TUNAR: variants seen among roughly 807,000 people sequenced by gnomAD.
TUNAR encodes the protein protein TUNAR.
At chr14:95,922,948 C>T (rs1014721435) in exon 3 of TUNAR, 8 of 399,048 alleles carry the variant, frequency 2.0e-5, no homozygotes, top group African/African-American at 1.4e-4. Context: ...TATTTGTCTA[C>T]ATATACACCA....
chr14:95,925,337 G>A (rs1889769988), exon 3 of TUNAR: 2 of 152,170 alleles, frequency 1.3e-5, no homozygotes, highest in African/African-American at 4.8e-5. Flanking sequence ...AGAGAAAGCT[G>A]CAGGCATACC....
At chr14:95,898,932 A>G (rs1595119954) in intron 2 of TUNAR, among the ~76,000 whole-genome samples, 1 of 152,326 alleles carries the variant, frequency 6.6e-6, no homozygotes, top group African/African-American at 2.4e-5. Flanking sequence ...TCTTTGGCCA[A>G]TGAGTAAACA....
At chr14:95,884,277 G>A (rs534260944) in intron 2 of TUNAR, among the ~76,000 whole-genome samples, 1 of 152,056 alleles carries the variant, frequency 6.6e-6, no homozygotes, top group South Asian at 2.1e-4. Flanking sequence ...TGCACGATCT[G>A]GCCCTCCATC....
At chr14:95,921,033 C>G (rs998785492) in intron 2 of TUNAR, among the ~76,000 whole-genome samples, 1 of 152,056 alleles carries the variant, frequency 6.6e-6, no homozygotes, top group African/African-American at 2.4e-5. Flanking sequence ...ATCAACAGTT[C>G]GAGTCCAAAG....
chr14:95,919,007 A>G (rs1254280530), intron 2 of TUNAR, among the ~76,000 whole-genome samples: 1 of 152,198 alleles, frequency 6.6e-6, no homozygotes. Flanking sequence ...AAGGGCTTGC[A>G]GTCTTTCTAA....
intron 2 of TUNAR, among the ~76,000 whole-genome samples, chr14:95,882,387 C>T (rs1888994302): frequency 6.6e-6 from 1 of 152,182 alleles, no homozygotes; most frequent in Non-Finnish European, 1.5e-5. Context: ...AACACTTATT[C>T]AGGGCATGGT....
chr14:95,921,123 C>T (rs1320768615), intron 2 of TUNAR, among the ~76,000 whole-genome samples: 3 of 152,160 alleles, frequency 2.0e-5, no homozygotes, highest in South Asian at 2.1e-4. Context: ...TTGTTTCATT[C>T]GGGCCTTCAG....
At chr14:95,908,197 T>C (rs1446204535) in intron 2 of TUNAR, among the ~76,000 whole-genome samples, 1 of 152,206 alleles carries the variant, frequency 6.6e-6, no homozygotes, top group African/African-American at 2.4e-5. Flanking sequence ...TCAGAGCAGA[T>C]GCCAACAGCA....
intron 2 of TUNAR, among the ~76,000 whole-genome samples, chr14:95,887,485 G>A (rs1422867717): frequency 1.3e-5 from 2 of 152,202 alleles, no homozygotes; most frequent in African/African-American, 4.8e-5. Flanking sequence ...CTTCAAAACA[G>A]TCAAACCTTC....
rs74085774 is a variant in TUNAR, at chr14:95,920,894, C to T, written c.13-1887C>T. Among the ~76,000 whole-genome samples the T allele has an allele frequency of 4.3e-3, 652 of 152,212 alleles. 1 individual carries two copies. Among genetic ancestry groups the T allele is most frequent in the African/African-American group, 0.015 (620 of 41,524 alleles). ...AGAGATTTATTATACAGAGTTGACT[C>T]GTGATTTTGGAGACCAGCAAGTCCT... On this transcript the variant is annotated intron_variant, in intron 2 of 2. Coordinates refer to ENST00000678517, the Ensembl canonical transcript of TUNAR.
At chr14:95,881,788 C>T (rs1888983508) in intron 2 of TUNAR, among the ~76,000 whole-genome samples, 1 of 152,208 alleles carries the variant, frequency 6.6e-6, no homozygotes, top group African/African-American at 2.4e-5. Context: ...ACCAGAGATT[C>T]CAGAGTCCTG....
intron 2 of TUNAR, among the ~76,000 whole-genome samples, chr14:95,881,758 A>C (rs1888982847): frequency 6.6e-6 from 1 of 152,212 alleles, no homozygotes; most frequent in Non-Finnish European, 1.5e-5. Flanking sequence ...AGAGCTGGCC[A>C]AGCATCCACC....
intron 2 of TUNAR, among the ~76,000 whole-genome samples, chr14:95,884,372 C>G (rs997340805): frequency 9.2e-5 from 14 of 152,136 alleles, no homozygotes; most frequent in Non-Finnish European, 4.4e-5. Context: ...GCATTCACTC[C>G]AAGGAGCCAC....
chr14:95,908,372 G>A (rs1889458203), intron 2 of TUNAR, among the ~76,000 whole-genome samples: 2 of 152,306 alleles, frequency 1.3e-5, no homozygotes, highest in South Asian at 2.1e-4. Context: ...CGCTCCAGAC[G>A]ACCTGCCACT....
intron 2 of TUNAR, among the ~76,000 whole-genome samples, chr14:95,921,272 G>C (rs182310725): frequency 8.4e-4 from 128 of 152,312 alleles, no homozygotes; most frequent in Non-Finnish European, 1.4e-3. Context: ...CAGTCAAGCT[G>C]ACACATAAAT....
At chr14:95,893,587 A>T (rs534280776) in intron 2 of TUNAR, among the ~76,000 whole-genome samples, 1 of 136,202 alleles carries the variant, frequency 7.3e-6, no homozygotes, top group East Asian at 2.4e-4. Flanking sequence ...CCCACTCCCC[A>T]TCAAGCAGCC....
At chr14:95,909,549 C>G (rs184509398) in intron 2 of TUNAR, among the ~76,000 whole-genome samples, 1 of 152,176 alleles carries the variant, frequency 6.6e-6, no homozygotes, top group Admixed American at 6.5e-5. Flanking sequence ...CCGCAAAGTG[C>G]TGGGATTACA....
chr14:95,894,787 T>G (rs935510536), intron 2 of TUNAR, among the ~76,000 whole-genome samples: 2 of 152,192 alleles, frequency 1.3e-5, no homozygotes, highest in Admixed American at 6.5e-5. Context: ...AAGGACTCTT[T>G]TAAGCAAGGG....
chr14:95,917,378 GGCTTGTATAAGCCTTA>G (rs1211478214), intron 2 of TUNAR, among the ~76,000 whole-genome samples: 1 of 152,104 alleles, frequency 6.6e-6, no homozygotes, highest in African/African-American at 2.4e-5. Flanking sequence ...ATTTGTCTAA[GGCTTGTATAAGCCTTA>G]GACCTAAGAC....
Sources: allele counts gnomAD v4.1 joint callset (sites outside exome capture counted in the v4.1 genomes callset), GRCh38; gene constraint gnomAD v4.1.1; transcripts MANE v1.5; gene names NCBI Gene and HGNC (gene_info 2026-07-23, HGNC 2026-07-21).